CDK14: variants seen among roughly 807,000 people sequenced by gnomAD.
CDK14 encodes the protein cyclin-dependent kinase 14.
CDK14 carries 34 observed loss-of-function variants against 60.7 expected under a neutral mutation model. The observed-to-expected ratio is 0.56, with a 90% CI of 0.43 to 0.75. CDK14 has a LOEUF of 0.75. CDK14 is among the 30% of genes least tolerant of loss of function. The pLI is 0.00. For synonymous variants in CDK14, 197 were observed against 203.7 expected, an observed-to-expected ratio of 0.97 and a Z score of 0.28; for missense variants, 482 against 564.1, an observed-to-expected ratio of 0.85 and a Z score of 1.47.
At chr7:90,990,808 ATTAC>A (rs1310576992) in intron 10 of CDK14, among the ~76,000 whole-genome samples, 2 of 152,204 alleles carry the variant, frequency 1.3e-5, no homozygotes, top group Admixed American at 1.3e-4. Flanking sequence ...ACATTTCTGT[ATTAC>A]TAGATAATTT....
intron 14 of CDK14, among the ~76,000 whole-genome samples, chr7:91,136,426 A>G (rs1320939737): frequency 6.6e-6 from 1 of 152,188 alleles, no homozygotes; most frequent in Non-Finnish European, 1.5e-5. Context: ...TTAGGAAAGT[A>G]TGTACTAAAA....
intron 14 of CDK14, among the ~76,000 whole-genome samples, chr7:91,152,101 G>A (rs979636907): frequency 6.6e-6 from 1 of 152,136 alleles, no homozygotes; most frequent in Non-Finnish European, 1.5e-5. Context: ...AAAGCCTCAC[G>A]GAAAAATTAT....
At chr7:90,716,371 T>C (rs1378310768) in intron 2 of CDK14, 5 of 152,020 alleles carry the variant, frequency 3.3e-5, no homozygotes, top group Non-Finnish European at 5.9e-5. Flanking sequence ...AAGTTTTTCC[T>C]CCAAAGCTAC....
intron 11 of CDK14, among the ~76,000 whole-genome samples, chr7:91,071,072 A>C (rs1798129039): frequency 6.6e-6 from 1 of 152,220 alleles, no homozygotes; most frequent in Non-Finnish European, 1.5e-5. Context: ...AAAATGTCAT[A>C]CCATATTTAC....
At chr7:90,893,023 C>G (rs1000582469) in intron 6 of CDK14, among the ~76,000 whole-genome samples, 10 of 152,262 alleles carry the variant, frequency 6.6e-5, no homozygotes, top group African/African-American at 2.2e-4. Context: ...CGTGATCTGC[C>G]TGCCTCGGCC....
At chr7:90,947,227 C>T (rs527850853) in intron 8 of CDK14, among the ~76,000 whole-genome samples, 1 of 152,310 alleles carries the variant, frequency 6.6e-6, no homozygotes, top group Non-Finnish European at 1.5e-5. Context: ...GTCTTCGCTG[C>T]CATCCATCCC....
At chr7:91,141,792 A>G (rs944736830) in intron 14 of CDK14, among the ~76,000 whole-genome samples, 3 of 140,596 alleles carry the variant, frequency 2.1e-5, no homozygotes, top group African/African-American at 7.7e-5. Context: ...TGCCTAAAAC[A>G]GTGGGTTTTG....
In CDK14 at chr7:91,001,482, C is replaced by T. The variant is rs148218522; in HGVS notation, c.1041+17241C>T. On this transcript the variant is annotated intron_variant, in intron 10 of 14. Transcript: ENST00000380050. The stretch of plus-strand genomic sequence containing the variant: ...TTATCCACGCTGTGTTGCAGCTTAA[C>T]CTGCTGGATAAATAATATAGTGATA... Among the ~76,000 whole-genome samples the T allele has an allele frequency of 1.5e-3, 233 of 152,290 alleles. 1 individual carries two copies. Among genetic ancestry groups the T allele is most frequent in the African/African-American group, 5.3e-3 (220 of 41,568 alleles).
chr7:91,147,235 C>T (rs925692698), intron 14 of CDK14, among the ~76,000 whole-genome samples: 1 of 150,904 alleles, frequency 6.6e-6, no homozygotes, highest in Admixed American at 6.6e-5. Flanking sequence ...GGTATTTTAT[C>T]ACTTGGAAGA....
At chr7:90,889,396 T>C (rs757667392) in intron 6 of CDK14, among the ~76,000 whole-genome samples, 5 of 152,252 alleles carry the variant, frequency 3.3e-5, no homozygotes, top group African/African-American at 4.8e-5. Context: ...GTTTACATGA[T>C]GGGAATGCAT....
chr7:90,667,743 G>A (rs1329235866), intron 2 of CDK14, among the ~76,000 whole-genome samples: 1 of 151,928 alleles, frequency 6.6e-6, no homozygotes, highest in Non-Finnish European at 1.5e-5. Flanking sequence ...CTAATTTTTT[G>A]TATTTTTATT....
chr7:90,734,232 GC>G (rs1242359595), intron 3 of CDK14, among the ~76,000 whole-genome samples: 16 of 152,118 alleles, frequency 1.1e-4, no homozygotes, highest in Non-Finnish European at 2.2e-4. Context: ...CTCTCTGGCT[GC>G]CCTTAGCATT....
chr7:90,664,884 A>G, intron 2 of CDK14, among the ~76,000 whole-genome samples: 1 of 152,180 alleles, frequency 6.6e-6, no homozygotes, highest in East Asian at 1.9e-4. Flanking sequence ...GCACGTGTAT[A>G]CATATGTAAC....
At chr7:90,948,923 T>A (rs1794175738) in intron 8 of CDK14, among the ~76,000 whole-genome samples, 1 of 152,228 alleles carries the variant, frequency 6.6e-6, no homozygotes, top group Non-Finnish European at 1.5e-5. Flanking sequence ...AACAACAGCA[T>A]GTTTATCATT....
At chr7:91,140,274 A>G (rs1428598081) in intron 14 of CDK14, among the ~76,000 whole-genome samples, 5 of 152,228 alleles carry the variant, frequency 3.3e-5, no homozygotes, top group Admixed American at 6.5e-5. Flanking sequence ...TGCATTTTAC[A>G]TGACTTCCTT....
At chr7:90,781,611 A>G (rs1004864057) in intron 4 of CDK14, among the ~76,000 whole-genome samples, 3 of 150,396 alleles carry the variant, frequency 2.0e-5, no homozygotes, top group Middle Eastern at 3.4e-3. Flanking sequence ...TAAGGAAAGG[A>G]TCCAGTTTCA....
chr7:91,197,308 G>A (rs1194424816), intron 14 of CDK14, among the ~76,000 whole-genome samples: 1 of 151,650 alleles, frequency 6.6e-6, no homozygotes, highest in African/African-American at 2.4e-5. Flanking sequence ...GCTGGGGCAG[G>A]AGAATCACGT....
intron 10 of CDK14, among the ~76,000 whole-genome samples, chr7:91,032,817 A>G (rs1796801660): frequency 6.6e-6 from 1 of 152,258 alleles, no homozygotes; most frequent in Non-Finnish European, 1.5e-5. Flanking sequence ...AGTCACGGGA[A>G]ATCAATACAT....
intron 10 of CDK14, among the ~76,000 whole-genome samples, chr7:90,996,188 T>C (rs1378559737): frequency 6.6e-6 from 1 of 152,188 alleles, no homozygotes; most frequent in Non-Finnish European, 1.5e-5. Flanking sequence ...AAATGAATAT[T>C]TGTAATCATC....
Sources: allele counts gnomAD v4.1 joint callset (sites outside exome capture counted in the v4.1 genomes callset), GRCh38; gene constraint gnomAD v4.1.1; transcripts MANE v1.5; gene names NCBI Gene and HGNC (gene_info 2026-07-23, HGNC 2026-07-21).